The following KSR2 variants were observed in gnomAD, a reference collection of about 807,000 sequenced individuals.
KSR2 encodes the protein kinase suppressor of ras 2.
In KSR2, 25 loss-of-function variants were observed where a neutral mutation model predicts 107.8. The ratio of observed to expected loss-of-function variants is 0.23; its 90% confidence interval spans 0.17 to 0.32. KSR2 has a LOEUF of 0.32. Ranked by LOEUF, KSR2 falls within the 10% of genes least tolerant of loss-of-function variation. The pLI is 1.00. For missense variants in KSR2, 887 were observed against 1,268.9 expected, an observed-to-expected ratio of 0.70 and a Z score of 4.57; for synonymous variants, 480 against 507.0, an observed-to-expected ratio of 0.95 and a Z score of 0.71.
intron 10 of KSR2, among the ~76,000 whole-genome samples, chr12:117,532,814 T>A (rs1390666204): frequency 2.6e-5 from 4 of 152,160 alleles, no homozygotes; most frequent in African/African-American, 9.7e-5. Flanking sequence ...GAGATTTGTG[T>A]CCTTAAGTAA....
rs550951252 is a variant in KSR2, at chr12:117,466,222, C to G, written c.*977G>C. 6.6e-6 allele frequency: 1 copy of G among 152,206 alleles called. No homozygotes were observed. Among genetic ancestry groups the G allele is most frequent in the Non-Finnish European group, 1.5e-5 (1 of 68,096 alleles). 9.4% of individuals were successfully genotyped at this position (152,206 alleles called of 1,614,324 possible). Reference sequence around the variant, plus strand: ...CCAACATGGACGTACCCCAAGAACCCGCATCCACCTTGGTGGGGGAATAAG... The same window carrying G: ...CCAACATGGACGTACCCCAAGAACCGGCATCCACCTTGGTGGGGGAATAAG... On this transcript the variant is annotated 3_prime_UTR_variant, in exon 20 of 20. Transcript: ENST00000339824.
At chr12:117,833,609 GTCAC>G (rs750531397) in intron 3 of KSR2, among the ~76,000 whole-genome samples, 4 of 152,054 alleles carry the variant, frequency 2.6e-5, no homozygotes, top group South Asian at 2.1e-4. Flanking sequence ...CAATCTTCCT[GTCAC>G]TCAAGCAAGC....
At position 117,469,763 on chromosome 12, in the gene KSR2, T is replaced by G. The variant is rs1871328339; in HGVS notation, c.2745A>C (p.Gln915His). 1.2e-6 allele frequency: 2 copies of G among 1,613,788 alleles called. No individual in the cohort carries two copies. Among genetic ancestry groups the G allele is most frequent in the Admixed American group, 3.3e-5 (2 of 59,986 alleles). ...DILLFCWAFE[Q>H]EERPTFTKLM... Reference sequence around the variant, plus strand: ...GCTTGGTGAAGGTAGGTCTCTCTTCTTGTTCAAAGGCCCAGCAGAAGAGAA... The same window carrying G: ...GCTTGGTGAAGGTAGGTCTCTCTTCGTGTTCAAAGGCCCAGCAGAAGAGAA... The change falls in exon 19 of 20, where the codon CAA becomes CAC. Residue 915 changes from glutamine to histidine, a missense_variant. By Grantham distance (24) the Gln-to-His change is conservative (BLOSUM62 0). Around this residue, in one of 8 missense-constraint regions of KSR2, gnomAD observed 308 missense variants for 506.2 expected, o/e 0.61. Coordinates refer to ENST00000339824, the MANE Select transcript of KSR2 (RefSeq NM_173598.6).
chr12:117,535,607 TGTGTGTGTGTGTG>T, intron 10 of KSR2, among the ~76,000 whole-genome samples: 1 of 12,868 alleles, frequency 7.8e-5, no homozygotes, highest in Middle Eastern at 0.025. Context: ...CCTGGAGTTG[TGTGTGTGTGTGTG>T]TGTGTGTGTG....
intron 4 of KSR2, among the ~76,000 whole-genome samples, chr12:117,686,014 G>A (rs1885558267): frequency 6.6e-6 from 1 of 151,864 alleles, no homozygotes; most frequent in Non-Finnish European, 1.5e-5. Flanking sequence ...CTGGCTTTGT[G>A]CTAAGCATTT....
intron 1 of KSR2, among the ~76,000 whole-genome samples, chr12:117,905,453 T>C (rs1351464329): frequency 1.3e-5 from 2 of 152,158 alleles, no homozygotes; most frequent in Admixed American, 1.3e-4. Context: ...AATCACTTCA[T>C]GCACCATCAG....
In KSR2 at chr12:117,886,247, ATATG is replaced by A. The variant is rs199973195; in HGVS notation, c.181-25820_181-25817del. Among the ~76,000 whole-genome samples, 4,351 of 150,378 alleles carry A rather than the reference ATATG, an allele frequency of 0.029. 350 individuals carry two copies. In the East Asian group the frequency reaches 0.29, roughly 10 times the overall value. On this transcript the variant is annotated intron_variant, in intron 1 of 19. Transcript: ENST00000339824. ...ATTTATGTAAATGTATATGTATTAT[ATATG>A]TATGTTTATATAGCTATAAATATAT...
At chr12:117,800,401 G>T (rs180892368) in intron 3 of KSR2, among the ~76,000 whole-genome samples, 12 of 152,096 alleles carry the variant, frequency 7.9e-5, no homozygotes, top group Admixed American at 5.2e-4. Flanking sequence ...AGCCTAAAAC[G>T]TCCAAGAGTC....
intron 1 of KSR2, among the ~76,000 whole-genome samples, chr12:117,875,928 C>A (rs577652347): frequency 2.0e-5 from 3 of 152,182 alleles, no homozygotes; most frequent in Non-Finnish European, 2.9e-5. Context: ...ATTTCCCCAG[C>A]GTTCAGATCC....
At chr12:117,824,251 G>C (rs1426783339) in intron 3 of KSR2, among the ~76,000 whole-genome samples, 1 of 151,878 alleles carries the variant, frequency 6.6e-6, no homozygotes, top group Non-Finnish European at 1.5e-5. Flanking sequence ...GGCTAGGAAG[G>C]GGCAGGGGGA....
intron 1 of KSR2, among the ~76,000 whole-genome samples, chr12:117,946,522 A>T (rs1896182959): frequency 6.6e-6 from 1 of 152,212 alleles, no homozygotes; most frequent in South Asian, 2.1e-4. Context: ...AACTACCAAA[A>T]TTCACCAAGA....
At chr12:117,693,294 T>C (rs1290868255) in intron 4 of KSR2, among the ~76,000 whole-genome samples, 1 of 152,174 alleles carries the variant, frequency 6.6e-6, no homozygotes. Flanking sequence ...TTTAATTGAA[T>C]AAGGATAGAA....
At chr12:117,587,536 C>T (rs1020083448) in intron 5 of KSR2, among the ~76,000 whole-genome samples, 1 of 152,178 alleles carries the variant, frequency 6.6e-6, no homozygotes, top group African/African-American at 2.4e-5. Flanking sequence ...TTTCGGACTT[C>T]TGACCTCCAG....
chr12:117,551,394 CT>C (rs1225905255), intron 9 of KSR2, among the ~76,000 whole-genome samples: 2 of 152,048 alleles, frequency 1.3e-5, no homozygotes, highest in Non-Finnish European at 2.9e-5. Flanking sequence ...GACTAAAATC[CT>C]TTATACATAT....
At chr12:117,796,820 T>C (rs945546804) in intron 3 of KSR2, among the ~76,000 whole-genome samples, 2 of 152,156 alleles carry the variant, frequency 1.3e-5, no homozygotes, top group Admixed American at 6.5e-5. Flanking sequence ...CATATGTTGA[T>C]AGAACCCCCA....
intron 1 of KSR2, among the ~76,000 whole-genome samples, chr12:117,951,627 C>T (rs2137572028): frequency 6.6e-6 from 1 of 152,312 alleles, no homozygotes; most frequent in Non-Finnish European, 1.5e-5. Context: ...ATGGAACACA[C>T]AGAGCAGGGG....
Position 117,698,325 on chromosome 12 carries a change from T to C in KSR2, c.987-30667A>G, listed in dbSNP as rs530208601. Among the ~76,000 whole-genome samples the C allele has an allele frequency of 6.4e-3, 815 of 126,676 alleles. 9 individuals are homozygous for C. The highest frequency in any genetic ancestry group is 0.03 in the African/African-American group (746 of 24,466). The allele number at this position is 126,676 out of a possible 152,430, so 83.1% of individuals were successfully genotyped here. A position where few individuals can be genotyped will look rare whatever the true frequency, so the allele number is the denominator to read the frequency against. ...AATGGCTTCTTGGGTGTCTCTCAGA[T>C]TTTTTTTTTTTCTTTGAGATAGGAT... On this transcript the variant is annotated intron_variant, in intron 4 of 19. Coordinates refer to ENST00000339824, the MANE Select transcript of KSR2 (RefSeq NM_173598.6).
chr12:117,825,322 C>CGGAT (rs1281622469), intron 3 of KSR2, among the ~76,000 whole-genome samples: 2 of 151,910 alleles, frequency 1.3e-5, no homozygotes, highest in Non-Finnish European at 2.9e-5. Flanking sequence ...GGTAGGTACG[C>CGGAT]GGATGGATGG....
intron 7 of KSR2, among the ~76,000 whole-genome samples, chr12:117,565,767 G>A (rs573321776): frequency 2.6e-5 from 4 of 152,226 alleles, no homozygotes; most frequent in Non-Finnish European, 4.4e-5. Flanking sequence ...TCATTCTTCA[G>A]AAAACAGAAG....
Sources: gnomAD v4.1 joint callset for allele counts (sites outside exome capture counted in the v4.1 genomes callset) on GRCh38, gnomAD v4.1.1 for gene constraint, gnomAD v4.1.1 regional missense constraint, MANE v1.5 for transcripts, NCBI Gene and HGNC (gene_info 2026-07-23, HGNC 2026-07-21) for gene names.